SNX29: variants seen among roughly 807,000 people sequenced by gnomAD.
SNX29 encodes the protein sorting nexin 29.
In SNX29, 78 loss-of-function variants were observed where a neutral mutation model predicts 102.1. The ratio of observed to expected loss-of-function variants is 0.76; its 90% CI spans 0.64 to 0.92. SNX29 has a LOEUF of 0.92. Ranked by LOEUF, SNX29 falls within the 40% of genes least tolerant of loss-of-function variation. The pLI, the probability that SNX29 is intolerant of heterozygous loss-of-function variation, is 0.00. For missense variants in SNX29, 1,280 were observed against 1,061.7 expected (o/e 1.21, Z -2.86); for synonymous variants, 580 against 414.5 (o/e 1.40, Z -4.85).
intron 20 of SNX29, among the ~76,000 whole-genome samples, chr16:12,552,521 C>T (rs1030805565): frequency 2.6e-5 from 4 of 152,152 alleles, no homozygotes; most frequent in African/African-American, 9.7e-5. Flanking sequence ...GCCAAATGGG[C>T]CTTCATTTCT....
chr16:12,352,834 T>G (rs978061469), intron 15 of SNX29, among the ~76,000 whole-genome samples: 2 of 152,226 alleles, frequency 1.3e-5, no homozygotes, highest in Non-Finnish European at 2.9e-5. Context: ...ACTGTCATAG[T>G]GTTGTCAAAT....
intron 19 of SNX29, among the ~76,000 whole-genome samples, chr16:12,518,759 C>G (rs2089977225): frequency 6.6e-6 from 1 of 152,134 alleles, no homozygotes; most frequent in Non-Finnish European, 1.5e-5. Flanking sequence ...AGGTGCTGAG[C>G]CTGGGTTATC....
At chr16:12,434,695 C>G (rs1271367681) in intron 18 of SNX29, among the ~76,000 whole-genome samples, 4 of 152,240 alleles carry the variant, frequency 2.6e-5, no homozygotes, top group African/African-American at 7.2e-5. Flanking sequence ...TCTTAACTTC[C>G]TGCATCTGAC....
In SNX29 at chr16:12,366,223, C is replaced by CACGG. The variant is rs539774510; in HGVS notation, c.1899+9945_1899+9948dup. 3.8e-3 allele frequency among the ~76,000 whole-genome samples: 581 copies of CACGG among 152,224 alleles called. 1 individual carries two copies. Among genetic ancestry groups the CACGG allele is most frequent in the Non-Finnish European group, 6.9e-3 (470 of 68,002 alleles). On this transcript the variant is annotated intron_variant, in intron 16 of 20. Coordinates refer to ENST00000566228, the MANE Select transcript of SNX29 (RefSeq NM_032167.5). ...TGTGGGATTTCCCTCAAGGGTCACA[C>CACGG]ACGGGGGTGCTCCGTGCTTCTCCAA...
At chr16:12,567,346 G>C (rs62028664) in intron 20 of SNX29, among the ~76,000 whole-genome samples, 2 of 152,144 alleles carry the variant, frequency 1.3e-5, no homozygotes, top group African/African-American at 4.8e-5. Context: ...CATGGATCCT[G>C]TTAGGTTTTT....
intron 18 of SNX29, among the ~76,000 whole-genome samples, chr16:12,427,589 T>A (rs1219257722): frequency 6.6e-6 from 1 of 151,676 alleles, no homozygotes; most frequent in East Asian, 1.9e-4. Context: ...ATTCGGTTGT[T>A]GGTATTTAAT....
At chr16:12,198,697 G>C (rs1057224874) in intron 13 of SNX29, among the ~76,000 whole-genome samples, 2 of 152,192 alleles carry the variant, frequency 1.3e-5, no homozygotes, top group African/African-American at 4.8e-5. Flanking sequence ...GGAAACCTGG[G>C]TTCAGATCTT....
chr16:12,165,096 A>G lies in SNX29; in HGVS notation c.1596-34505A>G, dbSNP rs201962485. Reference sequence around the variant, plus strand: ...CGTGTTCGGCCTTTTGAGGAACAGGATAAGGACCACTTAGCAGAACTTTTG... The same window carrying G: ...CGTGTTCGGCCTTTTGAGGAACAGGGTAAGGACCACTTAGCAGAACTTTTG... On this transcript the variant is annotated intron_variant, in intron 13 of 20. Transcript: ENST00000566228. Among the ~76,000 whole-genome samples, 10 of 152,324 alleles carry G rather than the reference A, an allele frequency of 6.6e-5. No homozygotes were observed. In the East Asian group the frequency reaches 1.9e-3, roughly 29 times the overall value.
At chr16:12,252,207 A>C (rs1207511677) in intron 14 of SNX29, among the ~76,000 whole-genome samples, 1 of 152,164 alleles carries the variant, frequency 6.6e-6, no homozygotes, top group Non-Finnish European at 1.5e-5. Context: ...AACAGTCCAC[A>C]AGCTACATCC....
chr16:11,997,030 A>G (rs1360920562), intron 1 of SNX29, among the ~76,000 whole-genome samples: 2 of 152,142 alleles, frequency 1.3e-5, no homozygotes, highest in African/African-American at 4.8e-5. Flanking sequence ...TTGTGGTCCT[A>G]ACACAGGCTT....
chr16:12,202,043 G>A (rs2076926254), intron 14 of SNX29, among the ~76,000 whole-genome samples: 1 of 152,156 alleles, frequency 6.6e-6, no homozygotes, highest in South Asian at 2.1e-4. Flanking sequence ...AGCCATTTCA[G>A]GATGTAGTTG....
At chr16:12,271,424 A>G (rs905849873) in intron 14 of SNX29, among the ~76,000 whole-genome samples, 1 of 152,222 alleles carries the variant, frequency 6.6e-6, no homozygotes, top group African/African-American at 2.4e-5. Flanking sequence ...CAGAAGCTGC[A>G]GTCTTTATAA....
chr16:12,503,349 T>C (rs1428101506), intron 19 of SNX29, among the ~76,000 whole-genome samples: 1 of 152,000 alleles, frequency 6.6e-6, no homozygotes, highest in Non-Finnish European at 1.5e-5. Flanking sequence ...GCAGTCTAGG[T>C]GGGGAAAGTG....
intron 14 of SNX29, among the ~76,000 whole-genome samples, chr16:12,223,723 C>G (rs1353049632): frequency 6.6e-6 from 1 of 152,186 alleles, no homozygotes; most frequent in African/African-American, 2.4e-5. Context: ...TGCTGCTTTG[C>G]CCTGTGGGTG....
chr16:12,368,966 C>T (rs1319510446), intron 16 of SNX29, among the ~76,000 whole-genome samples: 1 of 152,146 alleles, frequency 6.6e-6, no homozygotes, highest in African/African-American at 2.4e-5. Context: ...GACCCACATT[C>T]ATTATTGGTG....
chr16:12,205,637 C>G (rs1326700934), intron 14 of SNX29, among the ~76,000 whole-genome samples: 1 of 152,216 alleles, frequency 6.6e-6, no homozygotes, highest in Non-Finnish European at 1.5e-5. Flanking sequence ...TCCACCTTGC[C>G]ATGCCTGTCT....
intron 14 of SNX29, among the ~76,000 whole-genome samples, chr16:12,269,080 T>G (rs2079017371): frequency 6.6e-6 from 1 of 152,238 alleles, no homozygotes; most frequent in Admixed American, 6.5e-5. Flanking sequence ...AATGTCTATA[T>G]ACTTCTACCA....
In SNX29 at chr16:12,571,911, C is replaced by T; in HGVS notation, c.*3282C>T. 7.5e-6 allele frequency: 8 copies of T among 1,061,796 alleles called. No individual in the cohort carries two copies. Among genetic ancestry groups the T allele is most frequent in the Non-Finnish European group, 9.1e-6 (8 of 877,020 alleles). The allele number at this position is 1,061,796 out of a possible 1,614,324, so 65.8% of individuals were successfully genotyped here. On this transcript the variant is annotated 3_prime_UTR_variant, in exon 21 of 21. Transcript: ENST00000566228. The stretch of plus-strand genomic sequence containing the variant: ...GTTCAAAGCCCCCTGCATTTCTCTA[C>T]TGGCAGGCCCTGGTGAAGGAAGACA...
intron 20 of SNX29, among the ~76,000 whole-genome samples, chr16:12,532,144 C>G (rs896842837): frequency 1.3e-5 from 2 of 152,208 alleles, no homozygotes; most frequent in Non-Finnish European, 2.9e-5. Context: ...TGATGCCATG[C>G]TGTAACTGTG....
Sources: gnomAD v4.1 joint callset for allele counts (sites outside exome capture counted in the v4.1 genomes callset) on GRCh38, gnomAD v4.1.1 for gene constraint, MANE v1.5 for transcripts, NCBI Gene and HGNC (gene_info 2026-07-23, HGNC 2026-07-21) for gene names.